Variants in IRAK4 observed in about 807,000 individuals in gnomAD.
IRAK4 encodes the protein interleukin 1 receptor associated kinase 4.
IRAK4 carries 44 observed loss-of-function variants against 51.8 expected under a neutral mutation model. The observed-to-expected ratio is 0.85, with a 90% CI of 0.67 to 1.09. The LOEUF (loss-of-function observed/expected upper bound fraction) is 1.09. IRAK4 is among the 50% of genes least tolerant of loss of function. The pLI, the probability that IRAK4 is intolerant of heterozygous loss-of-function variation, is 0.00. For missense variants in IRAK4, 487 were observed against 538.0 expected, an observed-to-expected ratio of 0.91 and a Z score of 0.94; for synonymous variants, 149 against 174.1, an observed-to-expected ratio of 0.86 and a Z score of 1.13.
At chr12:43,760,394 C>T (rs1384220263) in intron 1 of IRAK4, among the ~76,000 whole-genome samples, 1 of 152,190 alleles carries the variant, frequency 6.6e-6, no homozygotes, top group African/African-American at 2.4e-5. Context: ...TCCCAGCAGC[C>T]CCAGTATCCT....
chr12:43,783,844 T>TA, intron 10 of IRAK4, 120 bp downstream of exon 10: 1 of 705,180 alleles, frequency 1.4e-6, no homozygotes, highest in Non-Finnish European at 2.5e-6. Flanking sequence ...CATTGGCTAT[T>TA]ACACGACAGC....
Position 43,783,823 on chromosome 12 carries a change from G to A in IRAK4, c.1188+99G>A, listed in dbSNP as rs940048699. 41 of 811,148 alleles carry A rather than the reference G, an allele frequency of 5.1e-5. No homozygotes were observed. The African/African-American group carries it at 6.6e-4, about 13-fold the overall frequency. 50.2% of individuals were successfully genotyped at this position (811,148 alleles called of 1,614,324 possible). On this transcript the variant is annotated intron_variant, in intron 10 of 11. Coordinates refer to ENST00000613694, the MANE Select transcript of IRAK4 (RefSeq NM_016123.4). ...ACATCTAAAAATAACATTTTCTATT[G>A]GCAATCTTTCCATTGGCTATTACAC... is the stretch of plus-strand genomic sequence containing the variant.
In IRAK4 at chr12:43,788,874, T is replaced by G. The variant is rs1466015976; in HGVS notation, c.*2159T>G. 6.6e-6 allele frequency: 1 copy of G among 152,158 alleles called. No individual in the cohort carries two copies. The highest frequency in any genetic ancestry group is 1.5e-5 in the Non-Finnish European group (1 of 68,030). The allele number at this position is 152,158 out of a possible 1,614,324, so 9.4% of individuals were successfully genotyped here. ...TGCCAGGATCCTGTTGCCCCTTTCT[T>G]TAGCCAATTTCTCCCTTTTGGGACA... is the stretch of plus-strand genomic sequence containing the variant. On this transcript the variant is annotated 3_prime_UTR_variant, in exon 12 of 12. Transcript: ENST00000613694.
chr12:43,766,656 G>T (rs1007112511), intron 1 of IRAK4, among the ~76,000 whole-genome samples: 1 of 152,188 alleles, frequency 6.6e-6, no homozygotes, highest in African/African-American at 2.4e-5. Context: ...AAGCAGAGTT[G>T]TATGGCATGA....
intron 1 of IRAK4, chr12:43,759,406 C>CA (rs946120906): frequency 6.6e-6 from 1 of 152,270 alleles, no homozygotes; most frequent in African/African-American, 2.4e-5. Context: ...CCTGTGGCGC[C>CA]AGCAGCTCGC....
At chr12:43,771,017 C>T (rs538374496) in intron 2 of IRAK4, 5 of 692,568 alleles carry the variant, frequency 7.2e-6, no homozygotes, top group East Asian at 2.7e-5. Flanking sequence ...CTCTTTTGCC[C>T]TTCTGCCCTT....
intron 6 of IRAK4, among the ~76,000 whole-genome samples, chr12:43,776,195 C>A (rs1941258764): frequency 6.6e-6 from 1 of 151,990 alleles, no homozygotes. Flanking sequence ...TTAATAAGTG[C>A]CAGTCTCTGG....
chr12:43,783,643 A>AT lies in IRAK4; in HGVS notation c.1126-11dup, dbSNP rs753200898. On this transcript the variant is annotated intron_variant, in intron 9 of 11. Transcript: ENST00000613694. ...GCCTATCTTGTGTATTATATTAATGATTTTTTTTGTCTTCATAGGTTTTAC... is the reference window on the plus strand; with the variant it reads ...GCCTATCTTGTGTATTATATTAATGATTTTTTTTTGTCTTCATAGGTTTTAC... 129 of 1,529,416 alleles carry AT rather than the reference A, an allele frequency of 8.4e-5. No individual in the cohort carries two copies. Among genetic ancestry groups the AT allele is most frequent in the Non-Finnish European group, 9.2e-5 (102 of 1,106,842 alleles). The allele number at this position is 1,529,416 out of a possible 1,614,324, so 94.7% of individuals were successfully genotyped here. A position where few individuals can be genotyped will look rare whatever the true frequency, so the allele number is the denominator to read the frequency against.
intron 9 of IRAK4, 101 bp from the exon 10 acceptor site, chr12:43,783,561 T>C: frequency 1.3e-6 from 1 of 741,722 alleles, no homozygotes; most frequent in Non-Finnish European, 2.3e-6. Flanking sequence ...GCTCAAGTTA[T>C]CCTCCCACAT....
intron 10 of IRAK4, among the ~76,000 whole-genome samples, chr12:43,785,929 T>G (rs1189287516): frequency 6.6e-6 from 1 of 152,040 alleles, no homozygotes; most frequent in Non-Finnish European, 1.5e-5. Context: ...GTATTATAAT[T>G]TTATGGGACC....
Position 43,777,693 on chromosome 12 carries a change from A to G in IRAK4, c.780A>G (p.Leu260=). The change falls in exon 7 of 12, where the codon TTA becomes TTG. Residue 260 remains leucine, a synonymous_variant. Coordinates refer to ENST00000613694, the MANE Select transcript of IRAK4 (RefSeq NM_016123.4). ...CAAGTGATGGAGATGACCTCTGCTT[A>G]GTATATGTTTACATGCCTAATGGTT... ...GFSSDGDDLC[L]VYVYMPNGSL... 6.2e-7 allele frequency: 1 copy of G among 1,613,214 alleles called. No individual in the cohort carries two copies. The highest frequency in any genetic ancestry group is 8.5e-7 in the Non-Finnish European group (1 of 1,179,526).
intron 1 of IRAK4, among the ~76,000 whole-genome samples, chr12:43,761,562 T>C (rs560768310): frequency 3.0e-4 from 46 of 152,314 alleles, no homozygotes; most frequent in African/African-American, 1.1e-3. Context: ...TTACTATCTC[T>C]GTTTTTCAGA....
At chr12:43,773,905 C>T in intron 5 of IRAK4, 60 bp from the exon 6 acceptor site, 1 of 1,085,028 alleles carries the variant, frequency 9.2e-7, no homozygotes, top group South Asian at 1.3e-5. Flanking sequence ...CTCTTGATCC[C>T]TCTGAGCATT....
intron 10 of IRAK4, among the ~76,000 whole-genome samples, chr12:43,785,624 G>GTA (rs140949201): frequency 2.3e-4 from 34 of 146,754 alleles, no homozygotes; most frequent in South Asian, 4.2e-4. Flanking sequence ...ATATATGTGT[G>GTA]TATATATATA....
At chr12:43,777,845 AT>A in intron 7 of IRAK4, 101 bp downstream of exon 7, 1 of 992,960 alleles carries the variant, frequency 1.0e-6, no homozygotes, top group Non-Finnish European at 1.6e-6. Context: ...TCACTTTCAT[AT>A]TTTTCCTGCT....
intron 1 of IRAK4, among the ~76,000 whole-genome samples, chr12:43,761,751 A>C (rs1490263658): frequency 6.6e-6 from 1 of 152,240 alleles, no homozygotes; most frequent in African/African-American, 2.4e-5. Context: ...TTTGACAAGA[A>C]TCTTTTGCCC....
At chr12:43,772,464 C>A in intron 4 of IRAK4, 102 bp downstream of exon 4, 1 of 1,000,984 alleles carries the variant, frequency 1.0e-6, no homozygotes, top group Non-Finnish European at 1.6e-6. Flanking sequence ...CAATCACAGG[C>A]ACACTGGCAA....
At chr12:43,782,263 G>A (rs1287852803) in intron 8 of IRAK4, 44 bp from the exon 9 acceptor site, 6 of 1,398,196 alleles carry the variant, frequency 4.3e-6, no homozygotes, top group Non-Finnish European at 6.1e-6. Context: ...ACTTTTTTGG[G>A]GTGGGAAAAA....
chr12:43,777,385 T>C (rs2137995930), intron 6 of IRAK4, among the ~76,000 whole-genome samples: 1 of 152,014 alleles, frequency 6.6e-6, no homozygotes, highest in Non-Finnish European at 1.5e-5. Context: ...TTAGACCCTG[T>C]CTCAAAAAAA....
Sources: gnomAD v4.1 joint callset for allele counts (sites outside exome capture counted in the v4.1 genomes callset) on GRCh38, gnomAD v4.1.1 for gene constraint, MANE v1.5 for transcripts, NCBI Gene and HGNC (gene_info 2026-07-23, HGNC 2026-07-21) for gene names.